The following CDH4 variants were observed in gnomAD, a reference collection of about 807,000 sequenced individuals.
The protein encoded by CDH4 is cadherin-4.
In CDH4, 33 loss-of-function variants were observed where a neutral mutation model predicts 86.0. The ratio of observed to expected loss-of-function variants is 0.38; its 90% CI spans 0.29 to 0.51. CDH4 has a LOEUF of 0.51. Among genes scored for constraint, CDH4 ranks in the 20% least tolerant of loss-of-function variants. The pLI is 0.86. For synonymous variants in CDH4, 555 were observed against 549.4 expected (o/e 1.01, Z -0.14); for missense variants, 1,114 against 1,307.4 (o/e 0.85, Z 2.28).
At chr20:61,592,604 T>C (rs1043545004) in intron 2 of CDH4, among the ~76,000 whole-genome samples, 1 of 152,148 alleles carries the variant, frequency 6.6e-6, no homozygotes, top group Non-Finnish European at 1.5e-5. Flanking sequence ...CCCATCCCTA[T>C]TAAGCAGTCA....
chr20:61,440,207 C>T (rs1445512328), intron 2 of CDH4, among the ~76,000 whole-genome samples: 1 of 152,188 alleles, frequency 6.6e-6, no homozygotes, highest in Non-Finnish European at 1.5e-5. Context: ...GGAGTTCAAC[C>T]AGATAACCAC....
intron 2 of CDH4, among the ~76,000 whole-genome samples, chr20:61,258,760 A>C (rs899866764): frequency 5.9e-5 from 9 of 152,218 alleles, no homozygotes; most frequent in Non-Finnish European, 1.2e-4. Flanking sequence ...TTAGTGTGTC[A>C]TTTAGTGCCT....
At chr20:61,482,132 G>A (rs544377176) in intron 2 of CDH4, among the ~76,000 whole-genome samples, 11 of 152,120 alleles carry the variant, frequency 7.2e-5, no homozygotes, top group African/African-American at 2.7e-4. Context: ...TATTCAAGTT[G>A]CTGAAATTCT....
At position 61,539,735 on chromosome 20, in the gene CDH4, T is replaced by TC. The variant is rs974902179; in HGVS notation, c.170-203821dup. Reference sequence around the variant, plus strand: ...CATTGGCTTGGGGCTCCTGGTGGTGTCCCCCCCAAGCCCTGCTGTCACAGG... The same window carrying TC: ...CATTGGCTTGGGGCTCCTGGTGGTGTCCCCCCCCAAGCCCTGCTGTCACAGG... On this transcript the variant is annotated intron_variant, in intron 2 of 15. Transcript: ENST00000614565. Among the ~76,000 whole-genome samples the TC allele has an allele frequency of 5.9e-5, 9 of 151,760 alleles. No homozygotes were observed. In the East Asian group the frequency reaches 7.8e-4, roughly 13 times the overall value.
chr20:61,473,510 G>A (rs1232465652), intron 2 of CDH4, among the ~76,000 whole-genome samples: 1 of 151,868 alleles, frequency 6.6e-6, no homozygotes, highest in Non-Finnish European at 1.5e-5. Flanking sequence ...TCCAATGCTG[G>A]GTCTTCCTTT....
At chr20:61,843,391 A>G (rs1427738771) in intron 4 of CDH4, among the ~76,000 whole-genome samples, 1 of 146,376 alleles carries the variant, frequency 6.8e-6, no homozygotes, top group African/African-American at 2.5e-5. Flanking sequence ...CGGAGCTTGC[A>G]GTGAGCCGAG....
At chr20:61,885,322 G>A (rs1196673912) in intron 7 of CDH4, among the ~76,000 whole-genome samples, 1 of 152,052 alleles carries the variant, frequency 6.6e-6, no homozygotes, top group Non-Finnish European at 1.5e-5. Flanking sequence ...AGCTCCCCCA[G>A]CCCCTGGCAG....
chr20:61,697,554 C>T (rs888306260), intron 2 of CDH4, among the ~76,000 whole-genome samples: 22 of 152,064 alleles, frequency 1.4e-4, no homozygotes, highest in Non-Finnish European at 7.4e-5. Context: ...GCCGAGATCA[C>T]GCCACTGCAC....
chr20:61,801,751 C>G (rs1018131798), intron 4 of CDH4, among the ~76,000 whole-genome samples: 2 of 152,230 alleles, frequency 1.3e-5, no homozygotes, highest in African/African-American at 4.8e-5. Context: ...CCTCCTCCAG[C>G]CTCTCTCTGC....
chr20:61,552,236 T>C (rs965802661), intron 2 of CDH4, among the ~76,000 whole-genome samples: 11 of 152,224 alleles, frequency 7.2e-5, no homozygotes, highest in African/African-American at 2.4e-4. Flanking sequence ...TATAAGAGTC[T>C]AGTATCAAGA....
intron 2 of CDH4, among the ~76,000 whole-genome samples, chr20:61,743,087 C>T (rs902553480): frequency 2.3e-4 from 35 of 152,238 alleles, no homozygotes; most frequent in Middle Eastern, 3.2e-3. Context: ...CCCCAGATGC[C>T]AGCTCTCTCT....
chr20:61,333,238 T>A (rs1429148740), intron 2 of CDH4, among the ~76,000 whole-genome samples: 1 of 150,066 alleles, frequency 6.7e-6, no homozygotes, highest in African/African-American at 2.5e-5. Flanking sequence ...TGCACACATA[T>A]GCACAGGCAC....
intron 4 of CDH4, among the ~76,000 whole-genome samples, chr20:61,817,013 G>A (rs1008031453): frequency 1.2e-4 from 19 of 152,360 alleles, no homozygotes; most frequent in Admixed American, 1.1e-3. Context: ...GGAAAGGCTT[G>A]GCCGCCGCAT....
At chr20:61,560,058 T>C (rs2145685485) in intron 2 of CDH4, among the ~76,000 whole-genome samples, 1 of 152,278 alleles carries the variant, frequency 6.6e-6, no homozygotes, top group Non-Finnish European at 1.5e-5. Context: ...AACGAGTGCA[T>C]AGAGGAGATC....
rs142729204 is a variant in CDH4, at chr20:61,505,208, A to G, written c.170-238355A>G. Among the ~76,000 whole-genome samples, 89 of 152,300 alleles carry G rather than the reference A, an allele frequency of 5.8e-4. 1 individual carries two copies. The highest frequency in any genetic ancestry group is 2.0e-3 in the African/African-American group (85 of 41,558). ...CACCGTTTACAGCAAAGTGATGGCT[A>G]AAAAGAGTTAAATGAAGACGAGAGC... On this transcript the variant is annotated intron_variant, in intron 2 of 15. Transcript: ENST00000614565.
intron 6 of CDH4, among the ~76,000 whole-genome samples, chr20:61,858,852 T>G (rs935951145): frequency 9.2e-5 from 14 of 152,184 alleles, no homozygotes; most frequent in African/African-American, 2.9e-4. Context: ...CATGATGAAC[T>G]GAGCTGCTCT....
intron 2 of CDH4, among the ~76,000 whole-genome samples, chr20:61,704,650 TC>T (rs2087810825): frequency 6.6e-6 from 1 of 152,206 alleles, no homozygotes; most frequent in South Asian, 2.1e-4. Flanking sequence ...TTTTGAGTTT[TC>T]AAGATAAGCC....
intron 2 of CDH4, among the ~76,000 whole-genome samples, chr20:61,477,889 TAGA>T (rs1298416777): frequency 6.6e-6 from 1 of 152,334 alleles, no homozygotes; most frequent in Non-Finnish European, 1.5e-5. Flanking sequence ...TCTCATTCTG[TAGA>T]AGGTTTCATG....
intron 3 of CDH4, among the ~76,000 whole-genome samples, chr20:61,745,514 A>G (rs1271464471): frequency 2.6e-5 from 4 of 152,180 alleles, no homozygotes; most frequent in Admixed American, 1.3e-4. Flanking sequence ...AGTCCTCCTG[A>G]GTGTGTTAAA....
Sources: gnomAD v4.1 joint callset for allele counts (sites outside exome capture counted in the v4.1 genomes callset) on GRCh38, gnomAD v4.1.1 for gene constraint, MANE v1.5 for transcripts, NCBI Gene and HGNC (gene_info 2026-07-23, HGNC 2026-07-21) for gene names.